Variants in EPHA6 observed in about 807,000 individuals in gnomAD.
The protein encoded by EPHA6 is ephrin type-A receptor 6.
EPHA6 carries 50 observed loss-of-function variants against 112.0 expected under a neutral mutation model. The observed-to-expected ratio is 0.45, with a 90% CI of 0.36 to 0.56. The LOEUF (loss-of-function observed/expected upper bound fraction) is 0.56, where lower values mean the gene tolerates loss of function less well. Ranked by LOEUF, EPHA6 falls within the 20% of genes least tolerant of loss-of-function variation. The pLI, the probability that EPHA6 is intolerant of heterozygous loss-of-function variation, is 0.00. For synonymous variants in EPHA6, 529 were observed against 490.7 expected (o/e 1.08, Z -1.03); for missense variants, 1,280 against 1,417.4 (o/e 0.90, Z 1.56).
chr3:97,737,980 G>C (rs377061730), intron 16 of EPHA6, among the ~76,000 whole-genome samples: 6 of 152,016 alleles, frequency 3.9e-5, no homozygotes, highest in Admixed American at 1.3e-4. Flanking sequence ...TAATGTCCAA[G>C]CCTTCACAAA....
chr3:97,229,537 A>G (rs1297082850), intron 4 of EPHA6, among the ~76,000 whole-genome samples: 2 of 152,052 alleles, frequency 1.3e-5, no homozygotes, highest in South Asian at 4.1e-4. Flanking sequence ...CATAAGTCAG[A>G]TATTAAGGTG....
intron 14 of EPHA6, among the ~76,000 whole-genome samples, chr3:97,675,590 C>T (rs2031296890): frequency 1.3e-5 from 2 of 152,256 alleles, no homozygotes; most frequent in South Asian, 4.2e-4. Context: ...ACTTCATCAG[C>T]CTAACTTTAT....
chr3:97,569,014 G>C (rs1338323451), intron 11 of EPHA6, among the ~76,000 whole-genome samples: 1 of 152,188 alleles, frequency 6.6e-6, no homozygotes, highest in East Asian at 1.9e-4. Flanking sequence ...CAGACACCAA[G>C]GGTAGGAGAT....
At chr3:97,691,138 A>AT (rs1396374544) in intron 14 of EPHA6, among the ~76,000 whole-genome samples, 5 of 152,038 alleles carry the variant, frequency 3.3e-5, no homozygotes, top group Admixed American at 2.6e-4. Context: ...TAGGAGTCTA[A>AT]TTTTCTTCTA....
chr3:96,818,611 A>G (rs2032999783), intron 1 of EPHA6, among the ~76,000 whole-genome samples: 2 of 151,954 alleles, frequency 1.3e-5, no homozygotes, highest in South Asian at 4.1e-4. Context: ...TGCTTAACAA[A>G]ATTCATGGCC....
chr3:97,131,877 C>A (rs1339487656), intron 3 of EPHA6, among the ~76,000 whole-genome samples: 4 of 152,118 alleles, frequency 2.6e-5, no homozygotes, highest in Non-Finnish European at 4.4e-5. Flanking sequence ...AGCAGGCAAA[C>A]AACCTTATAC....
intron 15 of EPHA6, among the ~76,000 whole-genome samples, chr3:97,730,710 A>C (rs1435944181): frequency 6.6e-6 from 1 of 152,120 alleles, no homozygotes; most frequent in Non-Finnish European, 1.5e-5. Context: ...TATGAAGATA[A>C]AGGTTAATAT....
At chr3:97,117,551 C>A (rs1466065088) in intron 3 of EPHA6, among the ~76,000 whole-genome samples, 2 of 151,672 alleles carry the variant, frequency 1.3e-5, no homozygotes, top group African/African-American at 4.8e-5. Flanking sequence ...TCAATTTTCC[C>A]AGCACCATTT....
Position 96,949,657 on chromosome 3 carries a change from A to T in EPHA6, c.451-37673A>T, listed in dbSNP as rs1412594638. Among the ~76,000 whole-genome samples the T allele has an allele frequency of 3.9e-5, 6 of 152,172 alleles. No individual in the cohort carries two copies. In the East Asian group the frequency reaches 1.2e-3, roughly 29 times the overall value. On this transcript the variant is annotated intron_variant, in intron 2 of 17. Coordinates refer to ENST00000389672, the MANE Select transcript of EPHA6 (RefSeq NM_001080448.3). ...TAAAAGGTAGGCAATGTGTGTGGGG[A>T]ATTTATTTTATTCCTTAAATACTTG...
intron 3 of EPHA6, among the ~76,000 whole-genome samples, chr3:97,153,578 A>G (rs1052907368): frequency 6.6e-6 from 1 of 152,162 alleles, no homozygotes; most frequent in African/African-American, 2.4e-5. Flanking sequence ...TGTTTGTTGA[A>G]TACAAATCTC....
chr3:97,222,266 A>G (rs1267652403), intron 3 of EPHA6, among the ~76,000 whole-genome samples: 1 of 152,194 alleles, frequency 6.6e-6, no homozygotes, highest in Non-Finnish European at 1.5e-5. Context: ...GTGCCTCAAT[A>G]ATAATTTTCT....
chr3:97,382,401 T>C (rs1260811463), intron 5 of EPHA6, among the ~76,000 whole-genome samples: 1 of 152,086 alleles, frequency 6.6e-6, no homozygotes, highest in Non-Finnish European at 1.5e-5. Flanking sequence ...TTGTTCTTTG[T>C]GTTTGCTAGT....
At chr3:97,538,318 A>G (rs2092791497) in intron 11 of EPHA6, among the ~76,000 whole-genome samples, 1 of 152,200 alleles carries the variant, frequency 6.6e-6, no homozygotes, top group South Asian at 2.1e-4. Context: ...GGGAATGAGG[A>G]CGATGGAACA....
intron 3 of EPHA6, among the ~76,000 whole-genome samples, chr3:97,113,400 A>G (rs966966725): frequency 5.3e-5 from 8 of 152,114 alleles, no homozygotes; most frequent in Non-Finnish European, 1.0e-4. Flanking sequence ...ATTGCTGTGA[A>G]GCTAAATGGC....
chr3:97,255,988 T>A (rs1241494560), intron 5 of EPHA6, among the ~76,000 whole-genome samples: 1 of 152,050 alleles, frequency 6.6e-6, no homozygotes, highest in East Asian at 1.9e-4. Flanking sequence ...GAATACATAA[T>A]GATGGATGAA....
In EPHA6 at chr3:97,111,538, T is replaced by C. The variant is rs193259517; in HGVS notation, c.1115-114726T>C. Among the ~76,000 whole-genome samples, 5 of 152,264 alleles carry C rather than the reference T, an allele frequency of 3.3e-5. No individual in the cohort carries two copies. The East Asian group carries it at 7.7e-4, about 23-fold the overall frequency. Reference sequence around the variant, plus strand: ...CAGCTTCTGGGTGGGCAGGTCACCATCATTTAAATGAATCGTTAAAATTAT... The same window carrying C: ...CAGCTTCTGGGTGGGCAGGTCACCACCATTTAAATGAATCGTTAAAATTAT... On this transcript the variant is annotated intron_variant, in intron 3 of 17. Transcript: ENST00000389672.
Position 97,324,480 on chromosome 3 carries a change from G to A in EPHA6, c.1606+80193G>A, listed in dbSNP as rs183629498. 4.2e-3 allele frequency among the ~76,000 whole-genome samples: 176 copies of A among 41,536 alleles called. 3 individuals are homozygous for A. The highest frequency in any genetic ancestry group is 8.0e-3 in the African/African-American group (79 of 9,854). 27.2% of individuals were successfully genotyped at this position (41,536 alleles called of 152,430 possible). ...TTCTTTCTTTCTTTCTTTTTCTTTCGTCTCTTTCTCTTTCTTTCTTTCATC... is the reference window on the plus strand; with the variant it reads ...TTCTTTCTTTCTTTCTTTTTCTTTCATCTCTTTCTCTTTCTTTCTTTCATC... On this transcript the variant is annotated intron_variant, in intron 5 of 17. Transcript: ENST00000389672.
rs1017197399 is a variant in EPHA6 at position 97,760,895 on chromosome 3, C to T, written c.*12194C>T. On this transcript the variant is annotated 3_prime_UTR_variant, in exon 18 of 18. Coordinates refer to ENST00000389672, the MANE Select transcript of EPHA6 (RefSeq NM_001080448.3). The stretch of plus-strand genomic sequence containing the variant: ...TTTATTATTAATTAAGGATTTAACT[C>T]TGTACCCATCTGCTCTTACAAAAGG... The T allele has an allele frequency of 5.2e-6, 1 of 191,282 alleles. No homozygotes were observed. Among genetic ancestry groups the T allele is most frequent in the South Asian group, 1.9e-4 (1 of 5,184 alleles). 11.8% of individuals were successfully genotyped at this position (191,282 alleles called of 1,614,324 possible). A position where few individuals can be genotyped will look rare whatever the true frequency, so the allele number is the denominator to read the frequency against.
chr3:96,974,439 C>T (rs1044971026), intron 2 of EPHA6, among the ~76,000 whole-genome samples: 5 of 149,230 alleles, frequency 3.4e-5, no homozygotes. Context: ...CTTGCTTTTA[C>T]ATAATAGGCA....
Sources: allele counts gnomAD v4.1 joint callset (sites outside exome capture counted in the v4.1 genomes callset), GRCh38; gene constraint gnomAD v4.1.1; transcripts MANE v1.5; gene names NCBI Gene and HGNC (gene_info 2026-07-23, HGNC 2026-07-21).